Variants in HNF4G observed in about 807,000 individuals in gnomAD.
HNF4G encodes hepatocyte nuclear factor 4 gamma.
HNF4G carries 21 observed loss-of-function variants against 50.9 expected under a neutral mutation model. The observed-to-expected ratio is 0.41, with a 90% CI of 0.29 to 0.59. The LOEUF is 0.59. Among genes scored for constraint, HNF4G ranks in the 20% least tolerant of loss-of-function variants. The probability of loss-of-function intolerance (pLI) is 0.26; values close to 1 mark genes in which losing one functional copy is unlikely to be tolerated. For synonymous variants in HNF4G, 198 were observed against 185.6 expected (o/e 1.07, Z -0.54); for missense variants, 527 against 559.4 (o/e 0.94, Z 0.58).
At chr8:75,537,702 CTTT>C (rs1466858864), upstream of HNF4G, among the ~76,000 whole-genome samples, 3 of 151,808 alleles carry the variant, frequency 2.0e-5, no homozygotes, top group Non-Finnish European at 4.4e-5. Flanking sequence ...GTTGCTTTAA[CTTT>C]TTTCTCCATT....
At chr8:75,521,571 C>A (rs1349764921) in intron 2 of HNF4G, among the ~76,000 whole-genome samples, 5 of 152,000 alleles carry the variant, frequency 3.3e-5, no homozygotes, top group Non-Finnish European at 7.4e-5. Flanking sequence ...TGTGGATGTT[C>A]TAATAGTCCT....
chr8:75,452,528 G>C (rs112382045), intron 1 of HNF4G, among the ~76,000 whole-genome samples: 5,750 of 152,112 alleles, frequency 0.038, 133 homozygotes, highest in South Asian at 0.055. Flanking sequence ...GACCATCCTG[G>C]CTAACACGGC....
intron 1 of HNF4G, among the ~76,000 whole-genome samples, chr8:75,418,319 G>T (rs1295224447): frequency 6.6e-6 from 1 of 152,012 alleles, no homozygotes; most frequent in Non-Finnish European, 1.5e-5. Flanking sequence ...ACTACTGGGG[G>T]TTAAGACTTT....
At chr8:75,491,806 AT>A (rs1444622916) in intron 2 of HNF4G, among the ~76,000 whole-genome samples, 2 of 152,168 alleles carry the variant, frequency 1.3e-5, no homozygotes, top group African/African-American at 4.8e-5. Context: ...GAAATGGGAA[AT>A]GCAAGTCGCT....
chr8:75,521,458 A>G (rs1414325801), intron 2 of HNF4G, among the ~76,000 whole-genome samples: 1 of 152,198 alleles, frequency 6.6e-6, no homozygotes, highest in Non-Finnish European at 1.5e-5. Context: ...TTTTCATGTG[A>G]TAAGTAGGTG....
At chr8:75,542,952 T>TAGGTGGGCAGACCGCCTGCTG (rs1182226112) in intron 1 of HNF4G, among the ~76,000 whole-genome samples, 3 of 152,084 alleles carry the variant, frequency 2.0e-5, no homozygotes, top group Admixed American at 2.0e-4. Flanking sequence ...TTTGGGATTA[T>TAGGTGGGCAGACCGCCTGCTG]AGGTGGGCAG....
intron 2 of HNF4G, among the ~76,000 whole-genome samples, chr8:75,506,451 T>G (rs1228767854): frequency 1.3e-5 from 2 of 152,128 alleles, no homozygotes; most frequent in Non-Finnish European, 2.9e-5. Context: ...AATACTGTAC[T>G]AAAGTGAATC....
chr8:75,436,077 A>G (rs1429896467), intron 1 of HNF4G, among the ~76,000 whole-genome samples: 1 of 152,234 alleles, frequency 6.6e-6, no homozygotes, highest in East Asian at 1.9e-4. Flanking sequence ...AACATAAATT[A>G]TAAGGTACCT....
At chr8:75,459,854 A>G (rs948619139) in intron 1 of HNF4G, among the ~76,000 whole-genome samples, 1 of 152,140 alleles carries the variant, frequency 6.6e-6, no homozygotes, top group African/African-American at 2.4e-5. Context: ...TTGTTTTTCA[A>G]GTTACATAGT....
Position 75,543,679 on chromosome 8 carries a change from A to G in HNF4G, c.119-132A>G, listed in dbSNP as rs1485964330. The G allele has an allele frequency of 7.6e-6, 5 of 660,820 alleles. No individual in the cohort carries two copies. The African/African-American group carries it at 9.3e-5, about 12-fold the overall frequency. The allele number at this position is 660,820 out of a possible 1,614,324, so 40.9% of individuals were successfully genotyped here. A position where few individuals can be genotyped will look rare whatever the true frequency, so the allele number is the denominator to read the frequency against. ...AACGGAAGCAGCCAGCCAGGGGTTAAAAGGAAAGCACCAGTGTGGGGTCTC... is the reference window on the plus strand; with the variant it reads ...AACGGAAGCAGCCAGCCAGGGGTTAGAAGGAAAGCACCAGTGTGGGGTCTC... On this transcript the variant is annotated intron_variant, in intron 1 of 9. Coordinates refer to ENST00000396423, the MANE Select transcript of HNF4G (RefSeq NM_004133.5).
chr8:75,420,257 T>C (rs1206334297), intron 1 of HNF4G, among the ~76,000 whole-genome samples: 3 of 152,238 alleles, frequency 2.0e-5, no homozygotes, highest in Non-Finnish European at 4.4e-5. Context: ...ATTGTGTACG[T>C]GGACAACTGC....
At chr8:75,450,047 T>C (rs1281365781) in intron 1 of HNF4G, among the ~76,000 whole-genome samples, 1 of 152,210 alleles carries the variant, frequency 6.6e-6, no homozygotes, top group Non-Finnish European at 1.5e-5. Flanking sequence ...ATCACCATTT[T>C]GCTGTCTGTT....
intron 1 of HNF4G, among the ~76,000 whole-genome samples, chr8:75,540,851 ATGTGTGTGTGTGTG>A (rs56799230): frequency 3.4e-4 from 50 of 146,474 alleles, no homozygotes; most frequent in Admixed American, 2.0e-3. Context: ...GAAAATGTGT[ATGTGTGTGTGTGTG>A]TGTGTGTGTG....
chr8:75,492,435 A>G (rs1812652552), intron 2 of HNF4G, among the ~76,000 whole-genome samples: 1 of 152,204 alleles, frequency 6.6e-6, no homozygotes, highest in Non-Finnish European at 1.5e-5. Context: ...GTTAAAGCAG[A>G]GTATTTTCAG....
chr8:75,433,678 C>T (rs1811069140), intron 1 of HNF4G, among the ~76,000 whole-genome samples: 1 of 152,074 alleles, frequency 6.6e-6, no homozygotes, highest in African/African-American at 2.4e-5. Flanking sequence ...GGATTACAGG[C>T]ATAAGCCACC....
chr8:75,443,678 T>C lies in HNF4G; in HGVS notation c.-144+35516T>C, dbSNP rs545882874. 2.1e-4 allele frequency among the ~76,000 whole-genome samples: 32 copies of C among 152,298 alleles called. No individual in the cohort carries two copies. In the East Asian group the frequency reaches 6.0e-3, roughly 29 times the overall value. On this transcript the variant is annotated intron_variant, in intron 1 of 10. Transcript: ENST00000354370. ...TCCAGTGTATTTGCTGGTTTACTTA[T>C]GAAAAGTAAGAACATGTGATATATA...
chr8:75,438,237 A>G (rs1255272276), intron 1 of HNF4G, among the ~76,000 whole-genome samples: 1 of 152,240 alleles, frequency 6.6e-6, no homozygotes, highest in East Asian at 1.9e-4. Flanking sequence ...ATTCTAATCC[A>G]TCACCAGATG....
chr8:75,537,626 GAC>G (rs1252457592), upstream of HNF4G, among the ~76,000 whole-genome samples: 1 of 151,966 alleles, frequency 6.6e-6, no homozygotes, highest in East Asian at 1.9e-4. Context: ...CTAAAGTTTA[GAC>G]AATATTTTGA....
At chr8:75,487,156 A>G (rs749140465) in intron 1 of HNF4G, among the ~76,000 whole-genome samples, 2 of 152,208 alleles carry the variant, frequency 1.3e-5, no homozygotes, top group Non-Finnish European at 2.9e-5. Context: ...ATATTCCACT[A>G]TAACAGTATT....
Sources: gnomAD v4.1 joint callset for allele counts (sites outside exome capture counted in the v4.1 genomes callset) on GRCh38, gnomAD v4.1.1 for gene constraint, MANE v1.5 for transcripts, NCBI Gene and HGNC (gene_info 2026-07-23, HGNC 2026-07-21) for gene names.